UNC13C: variants seen among roughly 807,000 people sequenced by gnomAD.
The protein encoded by UNC13C is unc-13 homolog C.
Under a neutral mutation model 245.4 loss-of-function variants are expected in UNC13C, and 174 were observed. The observed-to-expected ratio is 0.71, with a 90% CI of 0.63 to 0.80. The LOEUF (loss-of-function observed/expected upper bound fraction) is 0.80. Ranked by LOEUF, UNC13C falls within the 30% of genes least tolerant of loss-of-function variation. The pLI is 0.00. For missense variants in UNC13C, 2,829 were observed against 2,602.9 expected (o/e 1.09, Z -1.89); for synonymous variants, 992 against 895.1 (o/e 1.11, Z -1.93).
At chr15:54,459,262 G>T (rs185240834) in intron 19 of UNC13C, among the ~76,000 whole-genome samples, 1 of 152,138 alleles carries the variant, frequency 6.6e-6, no homozygotes, top group African/African-American at 2.4e-5. Flanking sequence ...GAAATATACC[G>T]TTAATCTGAA....
intron 8 of UNC13C, among the ~76,000 whole-genome samples, chr15:54,251,897 A>C (rs1444104484): frequency 6.6e-6 from 1 of 152,220 alleles, no homozygotes; most frequent in Non-Finnish European, 1.5e-5. Context: ...TTCTCCATAC[A>C]AGATTAGATC....
At chr15:53,860,783 C>T in the UNC13C span, among the ~76,000 whole-genome samples, 1 of 152,072 alleles carries the variant, frequency 6.6e-6, no homozygotes, top group Non-Finnish European at 1.5e-5. Context: ...AATCAATATT[C>T]CTGAAAAAGT....
the UNC13C span, among the ~76,000 whole-genome samples, chr15:53,931,487 A>C: frequency 6.6e-6 from 1 of 151,982 alleles, no homozygotes; most frequent in Non-Finnish European, 1.5e-5. Flanking sequence ...CTTATTAATC[A>C]TAATGCTTGC....
intron 23 of UNC13C, among the ~76,000 whole-genome samples, chr15:54,509,906 A>G (rs920362081): frequency 6.6e-6 from 1 of 152,158 alleles, no homozygotes; most frequent in Non-Finnish European, 1.5e-5. Context: ...CCTCCGGATA[A>G]CTGCATCTCC....
At chr15:54,016,669 G>A (rs545990901) in intron 2 of UNC13C, among the ~76,000 whole-genome samples, 171 of 152,310 alleles carry the variant, frequency 1.1e-3, no homozygotes, top group African/African-American at 3.9e-3. Flanking sequence ...GAAAGTGATA[G>A]TTATATGTAA....
the UNC13C span, among the ~76,000 whole-genome samples, chr15:53,956,547 G>T: frequency 1.9e-5 from 2 of 107,982 alleles, no homozygotes; most frequent in Non-Finnish European, 4.1e-5. Context: ...AGGTAAAGAG[G>T]TTTAGGGTAT....
intron 17 of UNC13C, among the ~76,000 whole-genome samples, chr15:54,389,170 T>C (rs1168513592): frequency 1.3e-5 from 2 of 152,184 alleles, no homozygotes; most frequent in Non-Finnish European, 2.9e-5. Flanking sequence ...AGAACACTTA[T>C]CCTGTGAAAA....
At chr15:54,447,413 T>C (rs1353886560) in intron 19 of UNC13C, among the ~76,000 whole-genome samples, 4 of 152,220 alleles carry the variant, frequency 2.6e-5, no homozygotes, top group Non-Finnish European at 5.9e-5. Flanking sequence ...GGAATTTTTT[T>C]GGTTGGTAGG....
At chr15:54,088,762 T>A (rs991828581) in intron 2 of UNC13C, among the ~76,000 whole-genome samples, 1 of 152,224 alleles carries the variant, frequency 6.6e-6, no homozygotes, top group Non-Finnish European at 1.5e-5. Context: ...ATGTACAGTT[T>A]GATGCAGCGT....
chr15:53,864,136 C>T, the UNC13C span, among the ~76,000 whole-genome samples: 1 of 152,200 alleles, frequency 6.6e-6, no homozygotes, highest in African/African-American at 2.4e-5. Context: ...ATGACCAGCA[C>T]TTGAATCCCT....
intron 30 of UNC13C, among the ~76,000 whole-genome samples, chr15:54,583,138 C>T (rs1898284003): frequency 6.6e-6 from 1 of 152,102 alleles, no homozygotes; most frequent in African/African-American, 2.4e-5. Flanking sequence ...GTTGTTAAGC[C>T]TCACGCCACA....
the UNC13C span, among the ~76,000 whole-genome samples, chr15:53,843,399 T>C: frequency 1.3e-5 from 2 of 152,266 alleles, no homozygotes; most frequent in Admixed American, 6.5e-5. Context: ...GAGGCAGAAG[T>C]TGCAGTGAGC....
intron 2 of UNC13C, among the ~76,000 whole-genome samples, chr15:54,119,965 A>C (rs2030554497): frequency 6.6e-6 from 1 of 152,172 alleles, no homozygotes; most frequent in Non-Finnish European, 1.5e-5. Context: ...GGAAGAGGTC[A>C]GTTCATGGAG....
At chr15:54,544,127 A>T (rs1319361060) in intron 26 of UNC13C, among the ~76,000 whole-genome samples, 1 of 152,230 alleles carries the variant, frequency 6.6e-6, no homozygotes, top group Non-Finnish European at 1.5e-5. Context: ...CCAGGATCCA[A>T]GGCTGGTTCA....
intron 18 of UNC13C, among the ~76,000 whole-genome samples, chr15:54,393,862 A>G (rs541848829): frequency 6.6e-6 from 1 of 152,008 alleles, no homozygotes; most frequent in East Asian, 1.9e-4. Flanking sequence ...ATCCAATCCA[A>G]CTTTAATATT....
chr15:54,419,993 C>G (rs1344838567), intron 19 of UNC13C, among the ~76,000 whole-genome samples: 4 of 151,988 alleles, frequency 2.6e-5, no homozygotes, highest in African/African-American at 4.8e-5. Context: ...AACATACCCC[C>G]TTTCTAGTTA....
At chr15:53,941,873 A>G in the UNC13C span, among the ~76,000 whole-genome samples, 1 of 152,130 alleles carries the variant, frequency 6.6e-6, no homozygotes, top group African/African-American at 2.4e-5. Flanking sequence ...CTCATGCCAT[A>G]CAGAATGGTG....
Position 54,287,813 on chromosome 15 carries a change from G to A in UNC13C, c.3819-6082G>A, listed in dbSNP as rs190734799. Among the ~76,000 whole-genome samples, 320 of 152,264 alleles carry A rather than the reference G, an allele frequency of 2.1e-3. 1 individual carries two copies. Among genetic ancestry groups the A allele is most frequent in the African/African-American group, 7.4e-3 (306 of 41,564 alleles). ...TTGTATGAGTGTACTTATAGCATCT[G>A]CCACCAACAACCTCTTTAGCTTCTC... On this transcript the variant is annotated intron_variant, in intron 10 of 32. Coordinates refer to ENST00000260323, the MANE Select transcript of UNC13C (RefSeq NM_001080534.3).
At chr15:54,432,118 T>C (rs775083885) in intron 19 of UNC13C, among the ~76,000 whole-genome samples, 1 of 151,622 alleles carries the variant, frequency 6.6e-6, no homozygotes, top group Non-Finnish European at 1.5e-5. Flanking sequence ...AATAAGCTAA[T>C]ATTTAAATAG....
Sources: allele counts gnomAD v4.1 joint callset (sites outside exome capture counted in the v4.1 genomes callset), GRCh38; gene constraint gnomAD v4.1.1; transcripts MANE v1.5; gene names NCBI Gene and HGNC (gene_info 2026-07-23, HGNC 2026-07-21).